Variants in BEST2 observed in about 807,000 individuals in gnomAD.
BEST2 encodes bestrophin-2a.
In BEST2, 36 loss-of-function variants were observed where a neutral mutation model predicts 49.0. That is an observed-to-expected ratio of 0.73 (90% CI 0.56 to 0.97). BEST2 has a LOEUF of 0.97. BEST2 is among the 50% of genes least tolerant of loss of function. The pLI is 0.00. For missense variants in BEST2, 672 were observed against 710.0 expected, an observed-to-expected ratio of 0.95 and a Z score of 0.61; for synonymous variants, 335 against 304.4, an observed-to-expected ratio of 1.10 and a Z score of -1.05.
intron 9 of BEST2, among the ~76,000 whole-genome samples, chr19:12,757,327 G>T (rs899813937): frequency 2.7e-5 from 4 of 150,352 alleles, no homozygotes; most frequent in Admixed American, 2.6e-4. Flanking sequence ...CAGGAGAATC[G>T]CTTGAACCCG....
chr19:12,754,101 A>T (rs1967904995), intron 3 of BEST2, among the ~76,000 whole-genome samples: 3 of 96,280 alleles, frequency 3.1e-5, no homozygotes, highest in African/African-American at 7.9e-5. Context: ...TTTGAGATGG[A>T]GTCTCGCTCT....
rs776535761 is a variant in BEST2, at chr19:12,756,224, C to A, written c.1032C>A (p.Arg344=). Residue 344 remains arginine, a synonymous_variant, in exon 9 of 10, where the codon CGC becomes CGA. Coordinates refer to ENST00000553030, the MANE Select transcript of BEST2 (RefSeq NM_017682.3). Reference sequence around the variant, plus strand: ...TGTACTGGGATGCAGCCGAGGCTCGCGCCCCATACACAGCGGCTACTGTCT... The same window carrying A: ...TGTACTGGGATGCAGCCGAGGCTCGAGCCCCATACACAGCGGCTACTGTCT... ...KDLYWDAAEA[R]APYTAATVFQ... 5 of 1,614,214 alleles carry A rather than the reference C, an allele frequency of 3.1e-6. No homozygotes were observed. The highest frequency in any genetic ancestry group is 1.1e-5 in the South Asian group (1 of 91,092).
chr19:12,753,051 G>A (rs543618777), intron 2 of BEST2, among the ~76,000 whole-genome samples: 17 of 151,978 alleles, frequency 1.1e-4, no homozygotes, highest in African/African-American at 3.6e-4. Context: ...GGGTTTCACC[G>A]TGTTGACCAG....
rs1425129328 is a variant in BEST2 at position 12,757,785 on chromosome 19, G to C, written c.1238G>C (p.Arg413Pro). ...GTCGCGGGAGGCCCGCTGGGCCGGCGCCTGTCCTTTCTACTCCGCAAGAAC... is the reference window on the plus strand; with the variant it reads ...GTCGCGGGAGGCCCGCTGGGCCGGCCCCTGTCCTTTCTACTCCGCAAGAAC... ...GMVAGGPLGR[R>P]LSFLLRKNSC... Residue 413 changes from arginine to proline, a missense_variant, in exon 10 of 10, where the codon CGC becomes CCC. Physicochemically the swap from Arg to Pro is moderately radical, Grantham distance 103. Around this residue, in one of 3 missense-constraint regions of BEST2, gnomAD observed 291 missense variants for 279.8 expected, o/e 1.04. Transcript: ENST00000553030. The C allele has an allele frequency of 6.5e-7, 1 of 1,546,828 alleles. No homozygotes were observed. The highest frequency in any genetic ancestry group is 8.7e-7 in the Non-Finnish European group (1 of 1,146,332).
At chr19:12,753,387 G>A (rs571889910) in intron 3 of BEST2, 33 bp downstream of exon 3, 8 of 1,596,410 alleles carry the variant, frequency 5.0e-6, no homozygotes, top group Non-Finnish European at 6.9e-6. Context: ...CCGTTCCCAT[G>A]TCCCTGAGAA....
rs892819071 is a variant in BEST2 at position 12,752,370 on chromosome 19, G to A, written c.-51-172G>A. On this transcript the variant is annotated intron_variant, in intron 1 of 9. Coordinates refer to ENST00000553030, the MANE Select transcript of BEST2 (RefSeq NM_017682.3). ...CCCACGGCCAGGAGTCCAGGGAAGGGGACAGCCTGAGATGAAGGTCAGGGA... is the reference window on the plus strand; with the variant it reads ...CCCACGGCCAGGAGTCCAGGGAAGGAGACAGCCTGAGATGAAGGTCAGGGA... 1.2e-4 allele frequency among the ~76,000 whole-genome samples: 18 copies of A among 152,084 alleles called. No homozygotes were observed. In the East Asian group the frequency reaches 3.5e-3, roughly 29 times the overall value.
At position 12,757,679 on chromosome 19, in the gene BEST2, C is replaced by G. The variant is rs1444186809; in HGVS notation, c.1132C>G (p.Arg378Gly). The change falls in exon 10 of 10, where the codon CGG becomes GGG. Residue 378 changes from arginine to glycine, a missense_variant. Transcript: ENST00000553030. The part of the protein sequence containing the change: ...TLAKEDMQFQ[R>G]LDGLDGPMGE... The stretch of plus-strand genomic sequence containing the variant: ...GGCCAAAGAAGACATGCAGTTCCAG[C>G]GGCTGGACGGCTTGGATGGACCGAT... 1 of 1,543,800 alleles carries G rather than the reference C, an allele frequency of 6.5e-7. No individual in the cohort carries two copies. The highest frequency in any genetic ancestry group is 1.2e-5 in the South Asian group (1 of 84,080).
At position 12,757,752 on chromosome 19, in the gene BEST2, C is replaced by T. The variant is rs1347458158; in HGVS notation, c.1205C>T (p.Ala402Val). ...CTGCAGCGCCTCCTGCCGGCGGGCG[C>T]GGGCATGGTCGCGGGAGGCCCGCTG... ...DFLQRLLPAG[A>V]GMVAGGPLGR... Residue 402 changes from alanine (A) to valine (V), a missense_variant, in exon 10 of 10, where the codon GCG (alanine) becomes GTG (valine). Physicochemically the swap from Ala to Val is moderately conservative, Grantham distance 64. Around this residue, in one of 3 missense-constraint regions of BEST2, gnomAD observed 291 missense variants for 279.8 expected, o/e 1.04. Coordinates refer to ENST00000553030, the MANE Select transcript of BEST2 (RefSeq NM_017682.3). The T allele has an allele frequency of 8.4e-6, 13 of 1,543,844 alleles. No homozygotes were observed. The highest frequency in any genetic ancestry group is 1.1e-5 in the Non-Finnish European group (13 of 1,145,974).
At position 12,753,332 on chromosome 19, in the gene BEST2, C is replaced by T. The variant is rs757440214; in HGVS notation, c.225C>T (p.Leu75=). ...LVIYCDQYAS[L]IPVSFVLGFY... Reference sequence around the variant, plus strand: ...TTTATTGTGACCAGTATGCCAGCCTCATCCCTGTCTCCTTCGTGCTTGGTG... The same window carrying T: ...TTTATTGTGACCAGTATGCCAGCCTTATCCCTGTCTCCTTCGTGCTTGGTG... The change falls in exon 3 of 10, where the codon CTC becomes CTT. Residue 75 remains leucine, a synonymous_variant. Transcript: ENST00000553030. The T allele has an allele frequency of 6.2e-7, 1 of 1,614,156 alleles. No homozygotes were observed. The highest frequency in any genetic ancestry group is 8.5e-7 in the Non-Finnish European group (1 of 1,180,016).
Position 12,755,244 on chromosome 19 carries a change from A to C in BEST2, c.637-135A>C. 1 of 1,070,770 alleles carries C rather than the reference A, an allele frequency of 9.3e-7. No individual in the cohort carries two copies. The highest frequency in any genetic ancestry group is 1.4e-6 in the Non-Finnish European group (1 of 723,860). The allele number at this position is 1,070,770 out of a possible 1,614,324, so 66.3% of individuals were successfully genotyped here. On this transcript the variant is annotated intron_variant, in intron 5 of 9. Transcript: ENST00000553030. The surrounding 1 kb of genome is among the most constrained non-coding windows in gnomAD (Gnocchi z 4.4). ...TCCAGGTGCACACTCACCACCAAAT[A>C]CCCTCCCTGGAACCCCCAAAGCACA...
At chr19:12,754,367 C>T (rs1027299548) in intron 3 of BEST2, among the ~76,000 whole-genome samples, 185 bp from the exon 4 acceptor site, 37 of 152,106 alleles carry the variant, frequency 2.4e-4, no homozygotes, top group African/African-American at 8.7e-4. Context: ...CCACCGCGCC[C>T]GGCAACTGTC....
In BEST2 at chr19:12,758,347, A is replaced by G; in HGVS notation, c.*270A>G. 1 of 522,882 alleles carries G rather than the reference A, an allele frequency of 1.9e-6. No homozygotes were observed. 32.4% of individuals were successfully genotyped at this position (522,882 alleles called of 1,614,324 possible). ...TGTCCTGCCTGAATTCTTTCCTTCAAGTGAAGATGTGACTGACTACCTCCT... is the reference window on the plus strand; with the variant it reads ...TGTCCTGCCTGAATTCTTTCCTTCAGGTGAAGATGTGACTGACTACCTCCT... On this transcript the variant is annotated 3_prime_UTR_variant, in exon 10 of 10. Coordinates refer to ENST00000553030, the MANE Select transcript of BEST2 (RefSeq NM_017682.3).
chr19:12,756,931 G>A (rs1390657164), intron 9 of BEST2, among the ~76,000 whole-genome samples: 1 of 152,078 alleles, frequency 6.6e-6, no homozygotes, highest in African/African-American at 2.4e-5. Flanking sequence ...ATCACTTGAG[G>A]TCAGGAGTTC....
At chr19:12,754,324 A>G (rs151246213) in intron 3 of BEST2, among the ~76,000 whole-genome samples, 1,827 of 151,812 alleles carry the variant, frequency 0.012, 42 homozygotes, top group African/African-American at 0.042. Context: ...CACCCTCCTC[A>G]GCCTCCCAAG....
chr19:12,754,476 C>T (rs1599457575), intron 3 of BEST2, 76 bp from the exon 4 acceptor site: 3 of 1,243,548 alleles, frequency 2.4e-6, no homozygotes, highest in Admixed American at 5.9e-5. Flanking sequence ...TACGTTGCCC[C>T]CTCTCCCACA....
chr19:12,753,919 T>G (rs1210771285), intron 3 of BEST2, among the ~76,000 whole-genome samples: 1 of 152,074 alleles, frequency 6.6e-6, no homozygotes, highest in Non-Finnish European at 1.5e-5. Context: ...TCCCCTTGTT[T>G]TAGGTCCCTA....
rs1284180031 is a variant in BEST2 at position 12,757,750 on chromosome 19, C to G, written c.1203C>G (p.Gly401=). The change falls in exon 10 of 10, where the codon GGC becomes GGG. Residue 401 remains glycine (G), a synonymous_variant. Coordinates refer to ENST00000553030, the MANE Select transcript of BEST2 (RefSeq NM_017682.3). ...GDFLQRLLPA[G]AGMVAGGPLG... ...TCCTGCAGCGCCTCCTGCCGGCGGG[C>G]GCGGGCATGGTCGCGGGAGGCCCGC... 1.3e-6 allele frequency: 2 copies of G among 1,544,214 alleles called. No individual in the cohort carries two copies. Among genetic ancestry groups the G allele is most frequent in the South Asian group, 2.4e-5 (2 of 83,930 alleles).
intron 9 of BEST2, among the ~76,000 whole-genome samples, chr19:12,756,937 A>G (rs1355186718): frequency 6.6e-6 from 1 of 152,136 alleles, no homozygotes; most frequent in Admixed American, 6.5e-5. Context: ...TGAGGTCAGG[A>G]GTTCGAGACC....
chr19:12,753,358 C>A lies in BEST2; in HGVS notation c.247+4C>A. On this transcript the variant is annotated splice_donor_region_variant and intron_variant, in intron 3 of 9. Transcript: ENST00000553030. ...ATCCCTGTCTCCTTCGTGCTTGGTG[C>A]GGTCCAACCCCAAGTCCCCCGTTCC... The A allele has an allele frequency of 1.2e-6, 2 of 1,613,444 alleles. No individual in the cohort carries two copies. The highest frequency in any genetic ancestry group is 1.1e-5 in the South Asian group (1 of 91,050).
Sources: allele counts gnomAD v4.1 joint callset (sites outside exome capture counted in the v4.1 genomes callset), GRCh38; gene constraint gnomAD v4.1.1; regional missense constraint gnomAD v4.1.1; non-coding constraint Gnocchi (gnomAD v3.1); transcripts MANE v1.5; gene names NCBI Gene and HGNC (gene_info 2026-07-23, HGNC 2026-07-21).